The following MARCHF1 variants were observed in gnomAD, a reference collection of about 807,000 sequenced individuals.
The protein encoded by MARCHF1 is E3 ubiquitin-protein ligase MARCHF1.
Under a neutral mutation model 54.2 loss-of-function variants are expected in MARCHF1, and 40 were observed. The observed-to-expected ratio is 0.74, with a 90% CI of 0.57 to 0.96. The LOEUF (loss-of-function observed/expected upper bound fraction) is 0.96. MARCHF1 is among the 40% of genes least tolerant of loss of function. MARCHF1 has a pLI of 0.00. For synonymous variants in MARCHF1, 236 were observed against 236.3 expected (o/e 1.00, Z 0.01); for missense variants, 586 against 656.5 (o/e 0.89, Z 1.17).
intron 2 of MARCHF1, among the ~76,000 whole-genome samples, chr4:164,055,814 T>G (rs1465734638): frequency 6.6e-6 from 1 of 152,126 alleles, no homozygotes; most frequent in African/African-American, 2.4e-5. Context: ...CTCATTATAA[T>G]TTTGCCAGGT....
intron 2 of MARCHF1, among the ~76,000 whole-genome samples, chr4:164,015,252 T>C (rs1024137076): frequency 1.3e-5 from 2 of 152,150 alleles, no homozygotes; most frequent in African/African-American, 4.8e-5. Context: ...GATATCCATA[T>C]GCAGAAAAAT....
intron 2 of MARCHF1, among the ~76,000 whole-genome samples, chr4:164,015,302 G>C (rs974356048): frequency 6.6e-6 from 1 of 152,014 alleles, no homozygotes; most frequent in African/African-American, 2.4e-5. Context: ...TAAAAATCAA[G>C]TAAAAATGGA....
intron 2 of MARCHF1, among the ~76,000 whole-genome samples, chr4:164,007,361 A>G (rs1753315875): frequency 6.7e-6 from 1 of 148,862 alleles, no homozygotes; most frequent in Non-Finnish European, 1.5e-5. Context: ...AAAAAAAAAA[A>G]AAAAAAAAAA....
chr4:164,372,980 A>G (rs80099867), intron 1 of MARCHF1, among the ~76,000 whole-genome samples: 2,316 of 152,304 alleles, frequency 0.015, 76 homozygotes, highest in East Asian at 0.13. Context: ...AAGTAGCAAG[A>G]TAACTAAAAT....
At chr4:164,155,711 A>G (rs1280536174) in intron 1 of MARCHF1, among the ~76,000 whole-genome samples, 2 of 152,160 alleles carry the variant, frequency 1.3e-5, no homozygotes, top group Non-Finnish European at 2.9e-5. Flanking sequence ...TAATGGGTAT[A>G]ATACCCATTA....
At chr4:163,556,552 A>ATT (rs35746902) in intron 8 of MARCHF1, among the ~76,000 whole-genome samples, 52 of 148,406 alleles carry the variant, frequency 3.5e-4, no homozygotes, top group Non-Finnish European at 6.3e-4. Flanking sequence ...AATTGAGTTG[A>ATT]TTTTTTTTTT....
In MARCHF1 at chr4:164,289,283, A is replaced by G. The variant is rs573498954; in HGVS notation, c.-323+94587T>C. Among the ~76,000 whole-genome samples, 19 of 152,050 alleles carry G rather than the reference A, an allele frequency of 1.2e-4. No individual in the cohort carries two copies. The South Asian group carries it at 3.9e-3, about 32-fold the overall frequency. ...GATATCAATCCTAGGAAGATTGTGA[A>G]CCACTGTGTGTGGCTTTGATCACTG... is the stretch of plus-strand genomic sequence containing the variant. On this transcript the variant is annotated intron_variant, in intron 1 of 9. Transcript: ENST00000514618.
chr4:163,942,975 G>C (rs758127843), intron 3 of MARCHF1, among the ~76,000 whole-genome samples: 1 of 148,500 alleles, frequency 6.7e-6, no homozygotes, highest in Non-Finnish European at 1.5e-5. Context: ...GTTTTTTGTT[G>C]TTGTTGGCCG....
At chr4:163,746,180 C>T (rs1442630897) in intron 4 of MARCHF1, among the ~76,000 whole-genome samples, 4 of 152,214 alleles carry the variant, frequency 2.6e-5, no homozygotes, top group African/African-American at 9.6e-5. Flanking sequence ...TTCCCTTCCT[C>T]TTAATCCCTG....
chr4:164,113,813 T>G (rs1755884878), intron 1 of MARCHF1, among the ~76,000 whole-genome samples: 1 of 152,028 alleles, frequency 6.6e-6, no homozygotes, highest in Non-Finnish European at 1.5e-5. Flanking sequence ...AACAAGGATG[T>G]AAGTAAAAAG....
At chr4:163,782,880 A>T (rs1747510087) in intron 4 of MARCHF1, among the ~76,000 whole-genome samples, 1 of 152,076 alleles carries the variant, frequency 6.6e-6, no homozygotes, top group Non-Finnish European at 1.5e-5. Context: ...GAATTTCAGA[A>T]TTGGGGTCTT....
chr4:163,769,441 A>C (rs1747087991), intron 4 of MARCHF1, among the ~76,000 whole-genome samples: 2 of 152,316 alleles, frequency 1.3e-5, no homozygotes, highest in South Asian at 4.1e-4. Flanking sequence ...TAATGTATTT[A>C]ATCTTAACAA....
intron 2 of MARCHF1, among the ~76,000 whole-genome samples, chr4:164,015,522 T>C (rs1424820728): frequency 6.6e-6 from 1 of 152,168 alleles, no homozygotes. Flanking sequence ...AAAGACAGCA[T>C]ACAGAATGTG....
intron 4 of MARCHF1, among the ~76,000 whole-genome samples, chr4:163,739,095 C>T (rs1170601910): frequency 6.6e-6 from 1 of 152,194 alleles, no homozygotes; most frequent in East Asian, 1.9e-4. Flanking sequence ...CAATACTCAA[C>T]AAATATAATT....
chr4:163,636,470 A>C (rs1422493876), intron 5 of MARCHF1, among the ~76,000 whole-genome samples: 1 of 147,454 alleles, frequency 6.8e-6, no homozygotes. Context: ...CAGAGAGCCA[A>C]ATCATGAGTG....
chr4:163,690,359 T>G (rs991978521), intron 5 of MARCHF1, among the ~76,000 whole-genome samples: 1 of 152,218 alleles, frequency 6.6e-6, no homozygotes, highest in Non-Finnish European at 1.5e-5. Context: ...ATTTGTCTGT[T>G]ACAGTGCTGG....
intron 3 of MARCHF1, among the ~76,000 whole-genome samples, chr4:163,860,765 A>C (rs1039335859): frequency 6.6e-6 from 1 of 152,228 alleles, no homozygotes; most frequent in African/African-American, 2.4e-5. Flanking sequence ...GGGAGCCCAA[A>C]GGCAACAGGA....
At chr4:163,953,230 C>A (rs1474559031) in intron 3 of MARCHF1, among the ~76,000 whole-genome samples, 1 of 152,120 alleles carries the variant, frequency 6.6e-6, no homozygotes. Context: ...ACATAGCATG[C>A]ATCCTATTGG....
intron 2 of MARCHF1, among the ~76,000 whole-genome samples, chr4:164,021,096 T>C (rs966177352): frequency 1.2e-3 from 173 of 149,390 alleles, no homozygotes; most frequent in East Asian, 5.7e-3. Context: ...TTTTTTTTTT[T>C]TCCCTGTAGT....
Sources: allele counts gnomAD v4.1 joint callset (sites outside exome capture counted in the v4.1 genomes callset), GRCh38; gene constraint gnomAD v4.1.1; transcripts MANE v1.5; gene names NCBI Gene and HGNC (gene_info 2026-07-23, HGNC 2026-07-21).